Variants in THRB observed in about 807,000 individuals in gnomAD.
THRB encodes the protein nuclear receptor subfamily 1 group A member 2.
THRB carries 12 observed loss-of-function variants against 47.8 expected under a neutral mutation model. The ratio of observed to expected loss-of-function variants is 0.25; its 90% CI spans 0.16 to 0.41. The LOEUF (loss-of-function observed/expected upper bound fraction) is 0.41, where lower values mean the gene tolerates loss of function less well. Ranked by LOEUF, THRB falls within the 10% of genes least tolerant of loss-of-function variation. The pLI is 1.00. For missense variants in THRB, 348 were observed against 589.2 expected (o/e 0.59, Z 4.24); for synonymous variants, 218 against 212.2 (o/e 1.03, Z -0.24).
At chr3:24,481,109 T>C (rs1696285968) in intron 1 of THRB, among the ~76,000 whole-genome samples, 1 of 152,192 alleles carries the variant, frequency 6.6e-6, no homozygotes, top group Non-Finnish European at 1.5e-5. Context: ...TTGTGGATTT[T>C]TGCTAGGTTT....
chr3:24,165,414 C>T (rs1416755502), intron 5 of THRB: 4 of 710,482 alleles, frequency 5.6e-6, no homozygotes, highest in East Asian at 4.9e-5. Flanking sequence ...ATGCATTCTC[C>T]AGCCCCATAC....
intron 8 of THRB, among the ~76,000 whole-genome samples, chr3:24,135,760 T>C (rs930201068): frequency 2.7e-5 from 4 of 149,280 alleles, no homozygotes; most frequent in African/African-American, 4.9e-5. Context: ...ACTTGACAAG[T>C]CTTTTATGAA....
At chr3:24,126,685 C>T (rs1367181345) in intron 10 of THRB, among the ~76,000 whole-genome samples, 1 of 152,170 alleles carries the variant, frequency 6.6e-6, no homozygotes, top group African/African-American at 2.4e-5. Context: ...GACTCTGAAA[C>T]CACTTCTATT....
chr3:24,123,268 G>C (rs1481885345), intron 10 of THRB, 143 bp from the exon 11 acceptor site: 56 of 1,162,526 alleles, frequency 4.8e-5, no homozygotes, highest in Non-Finnish European at 7.1e-5. Flanking sequence ...CGTGAACTCT[G>C]GTGCTCCAGG....
intron 10 of THRB, among the ~76,000 whole-genome samples, chr3:24,127,046 G>C (rs180791054): frequency 1.6e-3 from 241 of 152,318 alleles, no homozygotes; most frequent in African/African-American, 5.4e-3. Context: ...TTTTGGGTCG[G>C]TGTGCTATTT....
chr3:24,385,274 T>C (rs1235093647), intron 1 of THRB, among the ~76,000 whole-genome samples: 8 of 152,124 alleles, frequency 5.3e-5, no homozygotes. Flanking sequence ...GCCATCAGCC[T>C]GCTACTTGGG....
intron 1 of THRB, among the ~76,000 whole-genome samples, chr3:24,450,528 C>A (rs888984510): frequency 3.9e-5 from 6 of 152,184 alleles, no homozygotes; most frequent in Admixed American, 1.3e-4. Context: ...TAAAAATGTA[C>A]TACCCAATTT....
At chr3:24,298,233 G>C (rs939301638) in intron 2 of THRB, among the ~76,000 whole-genome samples, 2 of 152,182 alleles carry the variant, frequency 1.3e-5, no homozygotes, top group Admixed American at 6.5e-5. Flanking sequence ...TTGAAAGTGA[G>C]TGCCTTGAGA....
intron 1 of THRB, among the ~76,000 whole-genome samples, chr3:24,438,800 C>G (rs1198121884): frequency 6.6e-6 from 1 of 152,068 alleles, no homozygotes; most frequent in Non-Finnish European, 1.5e-5. Flanking sequence ...AAGGTAGAAG[C>G]CCCTGTCAGG....
chr3:24,344,752 T>C (rs1440731439), intron 1 of THRB, among the ~76,000 whole-genome samples: 1 of 152,100 alleles, frequency 6.6e-6, no homozygotes, highest in Non-Finnish European at 1.5e-5. Flanking sequence ...TGTGATACAC[T>C]TGGATACCTT....
At position 24,118,331 on chromosome 3, in the gene THRB, C is replaced by A; in HGVS notation, c.*4553G>T. The A allele has an allele frequency of 6.6e-6, 1 of 152,364 alleles. No individual in the cohort carries two copies. The highest frequency in any genetic ancestry group is 1.9e-4 in the East Asian group (1 of 5,192). 9.4% of individuals were successfully genotyped at this position (152,364 alleles called of 1,614,324 possible). On this transcript the variant is annotated 3_prime_UTR_variant, in exon 11 of 11. Coordinates refer to ENST00000646209, the MANE Select transcript of THRB (RefSeq NM_001354712.2). ...AAGCTATGTAAAAATCCATTTTTCC[C>A]AAATATACAAATTTTTTTTGGATAG...
At chr3:24,282,709 G>A (rs891722671) in intron 3 of THRB, among the ~76,000 whole-genome samples, 1 of 149,172 alleles carries the variant, frequency 6.7e-6, no homozygotes, top group Non-Finnish European at 1.5e-5. Flanking sequence ...AAGAAAAAAA[G>A]AGAGAACAAT....
At chr3:24,263,025 G>C (rs2052240088) in intron 3 of THRB, among the ~76,000 whole-genome samples, 1 of 152,134 alleles carries the variant, frequency 6.6e-6, no homozygotes, top group Non-Finnish European at 1.5e-5. Flanking sequence ...GCCCAGCATT[G>C]AAAGACAATA....
intron 3 of THRB, among the ~76,000 whole-genome samples, chr3:24,258,076 G>A (rs539286405): frequency 2.0e-5 from 3 of 152,328 alleles, no homozygotes; most frequent in Admixed American, 6.5e-5. Context: ...TCACCGCAGG[G>A]CTGGAGATGA....
In THRB at chr3:24,478,886, C is replaced by T. The variant is rs180987178; in HGVS notation, c.-261+15766G>A. On this transcript the variant is annotated intron_variant, in intron 1 of 10. Transcript: ENST00000646209. ...GTGGTTTCCAACAGGGATGATTTTGCCCCCAAGAGGATACTAGGCAATGTC... is the reference window on the plus strand; with the variant it reads ...GTGGTTTCCAACAGGGATGATTTTGTCCCCAAGAGGATACTAGGCAATGTC... 4.4e-4 allele frequency among the ~76,000 whole-genome samples: 67 copies of T among 152,214 alleles called. No homozygotes were observed. In the East Asian group the frequency reaches 0.012, roughly 28 times the overall value.
intron 1 of THRB, among the ~76,000 whole-genome samples, chr3:24,415,592 C>A (rs949290406): frequency 6.6e-6 from 1 of 151,572 alleles, no homozygotes; most frequent in South Asian, 2.1e-4. Context: ...TGTTACTGAA[C>A]AATTTTTTAA....
At chr3:24,203,727 C>A (rs1211394348) in intron 4 of THRB, among the ~76,000 whole-genome samples, 1 of 152,192 alleles carries the variant, frequency 6.6e-6, no homozygotes, top group African/African-American at 2.4e-5. Flanking sequence ...ACCCGGGAAG[C>A]ACAGGGGGTC....
At chr3:24,247,058 C>A (rs1203294124) in intron 3 of THRB, among the ~76,000 whole-genome samples, 2 of 152,212 alleles carry the variant, frequency 1.3e-5, no homozygotes, top group Non-Finnish European at 2.9e-5. Context: ...GGAGTCACTT[C>A]TTAGCTCCAT....
intron 2 of THRB, among the ~76,000 whole-genome samples, chr3:24,300,475 T>C (rs1175603820): frequency 1.3e-5 from 2 of 152,236 alleles, no homozygotes; most frequent in African/African-American, 2.4e-5. Context: ...CAGATTCTTC[T>C]TTCCCTCCCT....
Sources: gnomAD v4.1 joint callset for allele counts (sites outside exome capture counted in the v4.1 genomes callset) on GRCh38, gnomAD v4.1.1 for gene constraint, MANE v1.5 for transcripts, NCBI Gene and HGNC (gene_info 2026-07-23, HGNC 2026-07-21) for gene names.